HDX: variants seen among roughly 807,000 people sequenced by gnomAD.
The protein encoded by HDX is highly divergent homeobox, also known as chromosome X open reading frame 43.
In HDX, 19 loss-of-function variants were observed where a neutral mutation model predicts 45.2. That is an observed-to-expected ratio of 0.42 (90% CI 0.29 to 0.62). The LOEUF (loss-of-function observed/expected upper bound fraction) is 0.62, where lower values mean the gene tolerates loss of function less well. Among genes scored for constraint, HDX ranks in the 20% least tolerant of loss-of-function variants. HDX has a pLI of 0.20. For synonymous variants in HDX, 188 were observed against 172.8 expected, an observed-to-expected ratio of 1.09 and a Z score of -0.69; for missense variants, 532 against 493.9, an observed-to-expected ratio of 1.08 and a Z score of -0.73.
chrX:84,470,594 A>C (rs899021312), intron 3 of HDX, among the ~76,000 whole-genome samples: 1 of 111,394 alleles, frequency 9.0e-6, no homozygotes, highest in African/African-American at 3.3e-5. Flanking sequence ...TTCTCAACTT[A>C]CCAAATTTTA....
intron 2 of HDX, among the ~76,000 whole-genome samples, chrX:84,481,057 T>C (rs948736817): frequency 1.1e-4 from 12 of 111,566 alleles, no homozygotes; most frequent in South Asian, 3.7e-4. Context: ...TGAGTTTTGA[T>C]AGTTTGTGTC....
intron 5 of HDX, among the ~76,000 whole-genome samples, chrX:84,424,168 G>GC (rs2039332764): frequency 1.8e-5 from 2 of 111,355 alleles, no homozygotes; most frequent in South Asian, 7.5e-4. Context: ...ATTTCTAAAT[G>GC]CCGACAGTAA....
At chrX:84,374,737 AC>A (rs1432877289) in intron 5 of HDX, among the ~76,000 whole-genome samples, 2 of 109,281 alleles carry the variant, frequency 1.8e-5, no homozygotes, top group African/African-American at 6.7e-5. Flanking sequence ...TTATACAAAA[AC>A]TAATTCAAGA....
chrX:84,422,685 T>TG (rs1158393926), intron 5 of HDX, among the ~76,000 whole-genome samples: 1 of 96,968 alleles, frequency 1.0e-5, no homozygotes, highest in African/African-American at 3.8e-5. Flanking sequence ...TTTTTTTTTT[T>TG]TGAGACAGAG....
intron 5 of HDX, among the ~76,000 whole-genome samples, chrX:84,400,672 T>C (rs1000012299): frequency 5.4e-5 from 6 of 110,912 alleles, no homozygotes; most frequent in Admixed American, 1.9e-4. Flanking sequence ...CAACCTACCA[T>C]TGACATTCTT....
At chrX:84,443,705 A>G (rs919142500) in intron 4 of HDX, among the ~76,000 whole-genome samples, 5 of 112,165 alleles carry the variant, frequency 4.5e-5, no homozygotes, top group Non-Finnish European at 9.4e-5. Flanking sequence ...TATTTTTTAA[A>G]ATCAAATGTT....
chrX:84,363,849 A>T (rs1170771210), intron 5 of HDX, among the ~76,000 whole-genome samples: 1 of 111,577 alleles, frequency 9.0e-6, no homozygotes, highest in East Asian at 2.8e-4. Flanking sequence ...GCAAGGCATC[A>T]TGAAACCTAA....
chrX:84,405,639 T>C (rs1184975249), intron 5 of HDX, among the ~76,000 whole-genome samples: 2 of 86,042 alleles, frequency 2.3e-5, no homozygotes, highest in Admixed American at 1.3e-4. Context: ...ATCAAGAGCC[T>C]CACAAGCTAT....
intron 6 of HDX, among the ~76,000 whole-genome samples, chrX:84,348,422 A>G (rs1373914294): frequency 9.0e-6 from 1 of 111,483 alleles, no homozygotes; most frequent in African/African-American, 3.3e-5. Flanking sequence ...AGTTCTTCCC[A>G]ATTCCTCGTC....
At chrX:84,336,961 T>G (rs1478343765) in intron 7 of HDX, 81 bp from the exon 8 acceptor site, 1 of 616,942 alleles carries the variant, frequency 1.6e-6, no homozygotes, top group Admixed American at 3.7e-5. Flanking sequence ...ATTTAAATAA[T>G]TTCTCTATTA....
intron 4 of HDX, among the ~76,000 whole-genome samples, chrX:84,455,900 G>A (rs2040102352): frequency 8.9e-6 from 1 of 112,179 alleles, no homozygotes; most frequent in African/African-American, 3.2e-5. Context: ...AACCTTACTT[G>A]CCAGGAGACA....
chrX:84,439,399 C>T (rs1321203961), intron 5 of HDX, among the ~76,000 whole-genome samples: 4 of 109,368 alleles, frequency 3.7e-5, no homozygotes, highest in Non-Finnish European at 7.6e-5. Flanking sequence ...TGCAGAAGCT[C>T]GAGTTTAATT....
chrX:84,398,658 TG>T (rs1309740210), intron 5 of HDX, among the ~76,000 whole-genome samples: 1 of 111,657 alleles, frequency 9.0e-6, no homozygotes, highest in Non-Finnish European at 1.9e-5. Context: ...TTAGACAGAT[TG>T]AGAGACAAAA....
At chrX:84,380,714 T>A (rs1289654543) in intron 5 of HDX, among the ~76,000 whole-genome samples, 1 of 110,852 alleles carries the variant, frequency 9.0e-6, no homozygotes, top group African/African-American at 3.3e-5. Flanking sequence ...AAACCAGGGA[T>A]AGAAGAAACA....
chrX:84,479,149 A>G (rs1274738731), intron 2 of HDX, among the ~76,000 whole-genome samples: 1 of 111,669 alleles, frequency 9.0e-6, no homozygotes, highest in African/African-American at 3.3e-5. Flanking sequence ...AGAAATGTAT[A>G]TAGTCATCAA....
chrX:84,382,363 G>C (rs1483914673), intron 5 of HDX, among the ~76,000 whole-genome samples: 1 of 111,211 alleles, frequency 9.0e-6, no homozygotes, highest in East Asian at 2.8e-4. Context: ...TCAAAAGAAG[G>C]GAAATCAGTA....
At chrX:84,336,750 T>A in intron 8 of HDX, 51 bp downstream of exon 8, 1 of 817,455 alleles carries the variant, frequency 1.2e-6, no homozygotes, top group Non-Finnish European at 1.8e-6. Context: ...ACTGGATACT[T>A]GGGCTTGAAA....
intron 4 of HDX, among the ~76,000 whole-genome samples, chrX:84,456,184 C>G (rs1448905452): frequency 8.9e-6 from 1 of 111,766 alleles, no homozygotes; most frequent in African/African-American, 3.2e-5. Flanking sequence ...AATTTTATAA[C>G]ACTATTATTG....
chrX:84,349,523 G>A (rs2037286818), intron 6 of HDX, among the ~76,000 whole-genome samples: 1 of 95,866 alleles, frequency 1.0e-5, no homozygotes, highest in African/African-American at 3.9e-5. Context: ...AAATGTGTGT[G>A]TGTATATATA....
Sources: allele counts gnomAD v4.1 joint callset (sites outside exome capture counted in the v4.1 genomes callset), GRCh38; gene constraint gnomAD v4.1.1; transcripts MANE v1.5; gene names NCBI Gene and HGNC (gene_info 2026-07-23, HGNC 2026-07-21).